ZDHHC7: variants seen among roughly 807,000 people sequenced by gnomAD.
ZDHHC7 encodes zDHHC palmitoyltransferase 7.
A neutral mutation model predicts 34.1 loss-of-function variants in ZDHHC7; 12 were observed. That is an observed-to-expected ratio of 0.35 (90% CI 0.23 to 0.57). ZDHHC7 has a LOEUF of 0.57. Ranked by LOEUF, ZDHHC7 falls within the 20% of genes least tolerant of loss-of-function variation. The pLI is 0.84. For synonymous variants in ZDHHC7, 185 were observed against 155.4 expected, an observed-to-expected ratio of 1.19 and a Z score of -1.42; for missense variants, 388 against 402.7, an observed-to-expected ratio of 0.96 and a Z score of 0.31.
chr16:85,011,198 C>G (rs1238363425), intron 1 of ZDHHC7, 88 bp downstream of exon 1: 1 of 152,310 alleles, frequency 6.6e-6, no homozygotes. Flanking sequence ...GCGGCGGAAC[C>G]GACGGAAGGA....
chr16:84,994,476 A>G (rs2072550705), intron 2 of ZDHHC7, among the ~76,000 whole-genome samples: 1 of 152,262 alleles, frequency 6.6e-6, no homozygotes, highest in Admixed American at 6.5e-5. Flanking sequence ...TACTTTTGTC[A>G]GAGCACAATG....
At chr16:85,004,267 G>A (rs1681479565) in intron 1 of ZDHHC7, among the ~76,000 whole-genome samples, 1 of 151,700 alleles carries the variant, frequency 6.6e-6, no homozygotes, top group Admixed American at 6.6e-5. Context: ...AAGTCCTATG[G>A]GGTGCACCTC....
chr16:84,981,277 A>G (rs960049922), intron 4 of ZDHHC7, among the ~76,000 whole-genome samples: 2 of 152,230 alleles, frequency 1.3e-5, no homozygotes, highest in Admixed American at 1.3e-4. Context: ...CCAGGCAGAT[A>G]ACTGGACTGT....
At chr16:84,990,919 C>CT in intron 2 of ZDHHC7, among the ~76,000 whole-genome samples, 1 of 152,352 alleles carries the variant, frequency 6.6e-6, no homozygotes, top group Non-Finnish European at 1.5e-5. Flanking sequence ...AAAGCACAAG[C>CT]TAGACGCGAA....
At chr16:84,993,940 A>G (rs546278223) in intron 2 of ZDHHC7, among the ~76,000 whole-genome samples, 1 of 152,326 alleles carries the variant, frequency 6.6e-6, no homozygotes, top group South Asian at 2.1e-4. Flanking sequence ...AGAGGTCTCT[A>G]GACATCAGAT....
intron 1 of ZDHHC7, among the ~76,000 whole-genome samples, chr16:84,998,814 C>T (rs1466411720): frequency 7.8e-5 from 11 of 140,186 alleles, no homozygotes; most frequent in Non-Finnish European, 1.6e-4. Context: ...AGTGCAGTGG[C>T]GCGATCTCGG....
chr16:85,007,488 G>C (rs950511281), intron 1 of ZDHHC7, among the ~76,000 whole-genome samples: 3 of 148,196 alleles, frequency 2.0e-5, no homozygotes, highest in African/African-American at 7.4e-5. Context: ...AGATTACTAA[G>C]ACAAGGATAT....
chr16:85,025,617 C>T, the ZDHHC7 span, among the ~76,000 whole-genome samples: 1 of 152,152 alleles, frequency 6.6e-6, no homozygotes, highest in Non-Finnish European at 1.5e-5. Flanking sequence ...ACCATGTTGG[C>T]CAGGATGGTC....
At chr16:84,982,399 T>C (rs929125173) in intron 3 of ZDHHC7, among the ~76,000 whole-genome samples, 1 of 151,054 alleles carries the variant, frequency 6.6e-6, no homozygotes, top group African/African-American at 2.4e-5. Context: ...TAAAAAAAAC[T>C]ACCTTATTAT....
At position 84,998,188 on chromosome 16, in the gene ZDHHC7, C is replaced by T. The variant is rs991591360; in HGVS notation, c.-103-2181G>A. Reference sequence around the variant, plus strand: ...CTGAGACAGGAGAACGGCGCGAACCCGGGAGGCGGAGTTTGCAGTGAGCCG... The same window carrying T: ...CTGAGACAGGAGAACGGCGCGAACCTGGGAGGCGGAGTTTGCAGTGAGCCG... On this transcript the variant is annotated intron_variant, in intron 1 of 7. Coordinates refer to ENST00000313732, the MANE Select transcript of ZDHHC7 (RefSeq NM_017740.3). Among the ~76,000 whole-genome samples the T allele has an allele frequency of 2.7e-5, 4 of 150,374 alleles. No individual in the cohort carries two copies. The Admixed American group carries it at 2.7e-4, about 10-fold the overall frequency.
intron 3 of ZDHHC7, among the ~76,000 whole-genome samples, chr16:84,984,028 T>TC (rs2072405377): frequency 6.7e-6 from 1 of 150,178 alleles, no homozygotes; most frequent in Non-Finnish European, 1.5e-5. Context: ...TTTTTTTTTT[T>TC]CTTTTTGTTG....
intron 1 of ZDHHC7, among the ~76,000 whole-genome samples, chr16:85,008,980 G>A (rs373668986): frequency 6.6e-6 from 1 of 151,422 alleles, no homozygotes; most frequent in African/African-American, 2.4e-5. Context: ...AGGAGGTAGA[G>A]GCTGCAGGGA....
chr16:84,990,209 T>A (rs1182237219), intron 3 of ZDHHC7, 95 bp downstream of exon 3: 1 of 1,395,192 alleles, frequency 7.2e-7, no homozygotes, highest in African/African-American at 1.4e-5. Context: ...CATGTCAATA[T>A]GTCCCTGTGC....
chr16:84,986,550 C>T (rs1471411300), intron 3 of ZDHHC7, among the ~76,000 whole-genome samples: 1 of 152,206 alleles, frequency 6.6e-6, no homozygotes, highest in African/African-American at 2.4e-5. Context: ...GGCCCAGGGC[C>T]GTGGGTGGCC....
rs540935992 is a variant in ZDHHC7 at position 85,000,549 on chromosome 16, C to G, written c.-103-4542G>C. Among the ~76,000 whole-genome samples the G allele has an allele frequency of 8.5e-5, 13 of 152,288 alleles. No individual in the cohort carries two copies. In the South Asian group the frequency reaches 2.7e-3, roughly 32 times the overall value. Reference sequence around the variant, plus strand: ...CACTGCACTGCTAAGAATGTCCACCCTAGAGTCTGGTATCCATGTTTATAT... The same window carrying G: ...CACTGCACTGCTAAGAATGTCCACCGTAGAGTCTGGTATCCATGTTTATAT... On this transcript the variant is annotated intron_variant, in intron 1 of 7. Transcript: ENST00000313732.
the ZDHHC7 span, among the ~76,000 whole-genome samples, chr16:85,025,469 C>T: frequency 2.3e-4 from 35 of 152,104 alleles, no homozygotes; most frequent in East Asian, 6.2e-3. Context: ...AGTGCAGTGG[C>T]GCGATCTCAG....
upstream of ZDHHC7, among the ~76,000 whole-genome samples, chr16:85,015,836 CA>C (rs557190584): frequency 1.6e-3 from 213 of 136,918 alleles, no homozygotes; most frequent in Admixed American, 1.3e-3. Flanking sequence ...GATCCTATCT[CA>C]AAAAAAAAAA....
At chr16:85,020,075 G>A in the ZDHHC7 span, among the ~76,000 whole-genome samples, 10 of 152,224 alleles carry the variant, frequency 6.6e-5, no homozygotes, top group South Asian at 6.2e-4. Context: ...AAGCTCTGCC[G>A]TTTCGGCTGC....
chr16:84,996,660 T>A (rs912664951), intron 1 of ZDHHC7, among the ~76,000 whole-genome samples: 1 of 152,046 alleles, frequency 6.6e-6, no homozygotes, highest in Non-Finnish European at 1.5e-5. Flanking sequence ...CAGACCTCCC[T>A]AAGTCAGGGG....
Sources: gnomAD v4.1 joint callset for allele counts (sites outside exome capture counted in the v4.1 genomes callset) on GRCh38, gnomAD v4.1.1 for gene constraint, MANE v1.5 for transcripts, NCBI Gene and HGNC (gene_info 2026-07-23, HGNC 2026-07-21) for gene names.